The following DNAH11 variants were observed in gnomAD, a reference collection of about 807,000 sequenced individuals.
The protein encoded by DNAH11 is dynein axonemal heavy chain 11.
Under a neutral mutation model 526.0 loss-of-function variants are expected in DNAH11, and 442 were observed. The observed-to-expected ratio is 0.84, with a 90% CI of 0.78 to 0.91. The LOEUF (loss-of-function observed/expected upper bound fraction) is 0.91, where lower values mean the gene tolerates loss of function less well. DNAH11 is among the 40% of genes least tolerant of loss of function. The pLI is 0.00. For synonymous variants in DNAH11, 2,461 were observed against 1,935.9 expected, an observed-to-expected ratio of 1.27 and a Z score of -7.12; for missense variants, 6,989 against 5,448.7, an observed-to-expected ratio of 1.28 and a Z score of -8.90.
rs140279787 is a variant in DNAH11 at position 21,758,804 on chromosome 7, C to T, written c.8941-6624C>T. On this transcript the variant is annotated intron_variant, in intron 54 of 81. Transcript: ENST00000409508. ...AGCCTTTGCATTTTGGAAAGCATGT[C>T]GTGCTTTTCTCATTTTGCTAGCATT... 8.5e-5 allele frequency among the ~76,000 whole-genome samples: 13 copies of T among 152,274 alleles called. No individual in the cohort carries two copies. The South Asian group carries it at 2.1e-3, about 24-fold the overall frequency.
Position 21,658,880 on chromosome 7 carries a change from A to G in DNAH11, c.5177A>G (p.Glu1726Gly), listed in dbSNP as rs1283312636. The G allele has an allele frequency of 3.1e-6, 5 of 1,609,156 alleles. No individual in the cohort carries two copies. The highest frequency in any genetic ancestry group is 2.2e-5 in the East Asian group (1 of 44,634). The change falls in exon 30 of 82, where the codon GAG becomes GGG. Residue 1726 changes from glutamate (E) to glycine (G), a missense_variant. Transcript: ENST00000409508. ...HSITEAIVAY[E>G]EKPRELWIFD... ...ATAACAGAAGCCATAGTGGCCTACGAGGAAAAACCTAGGGAACTGTGGATT... is the reference window on the plus strand; with the variant it reads ...ATAACAGAAGCCATAGTGGCCTACGGGGAAAAACCTAGGGAACTGTGGATT...
chr7:21,575,722 A>C (rs1784065685), intron 8 of DNAH11, among the ~76,000 whole-genome samples: 1 of 152,118 alleles, frequency 6.6e-6, no homozygotes, highest in African/African-American at 2.4e-5. Context: ...TCTCTATTAA[A>C]AATTTCTTAT....
Position 21,637,340 on chromosome 7 carries a change from A to T in DNAH11, c.4726-271A>T, listed in dbSNP as rs17144816. On this transcript the variant is annotated intron_variant, in intron 26 of 81. Transcript: ENST00000409508. ...TTTTGCCTTTATTCTTTTTCGTTTG[A>T]TTTAGAAGAGAAAAATTCTGTGTGG... Among the ~76,000 whole-genome samples the T allele has an allele frequency of 0.031, 4,549 of 148,864 alleles. 178 individuals are homozygous for T. The highest frequency in any genetic ancestry group is 0.084 in the African/African-American group (3,370 of 40,296).
intron 56 of DNAH11, among the ~76,000 whole-genome samples, chr7:21,774,427 G>C (rs114590638): frequency 6.6e-6 from 1 of 152,238 alleles, no homozygotes; most frequent in African/African-American, 2.4e-5. Flanking sequence ...AGGTAGAGCT[G>C]TTCCTCCCTT....
At chr7:21,685,034 T>G (rs1294045890) in intron 32 of DNAH11, among the ~76,000 whole-genome samples, 1 of 152,244 alleles carries the variant, frequency 6.6e-6, no homozygotes, top group African/African-American at 2.4e-5. Context: ...ATTCTCCCAC[T>G]ACATTTGTGA....
intron 44 of DNAH11, among the ~76,000 whole-genome samples, chr7:21,724,916 C>A (rs569653834): frequency 1.3e-5 from 2 of 152,112 alleles, no homozygotes; most frequent in African/African-American, 4.8e-5. Flanking sequence ...ATAGGAGTCA[C>A]TGGGCCAGAT....
intron 49 of DNAH11, 36 bp downstream of exon 49, chr7:21,742,202 G>C: frequency 3.7e-6 from 6 of 1,602,128 alleles, no homozygotes; most frequent in Non-Finnish European, 5.1e-6. Context: ...CTCTTGAGTA[G>C]AGAAATAATG....
chr7:21,790,132 T>C (rs1301072781), intron 61 of DNAH11, among the ~76,000 whole-genome samples: 1 of 151,964 alleles, frequency 6.6e-6, no homozygotes, highest in Non-Finnish European at 1.5e-5. Flanking sequence ...ACCATGGTAC[T>C]TGGCACATAG....
rs557604243 is a variant in DNAH11 at position 21,804,871 on chromosome 7, C to G, written c.10166-3012C>G. 1.5e-3 allele frequency among the ~76,000 whole-genome samples: 227 copies of G among 152,160 alleles called. 2 individuals carry two copies. The highest frequency in any genetic ancestry group is 6.5e-4 in the Admixed American group (10 of 15,276). On this transcript the variant is annotated intron_variant, in intron 62 of 81. Transcript: ENST00000409508. Reference sequence around the variant, plus strand: ...ACTCCCCAATAGCTAATTAATCACTCAAAGTCCAGCCTAAAGGCTTTACTG... The same window carrying G: ...ACTCCCCAATAGCTAATTAATCACTGAAAGTCCAGCCTAAAGGCTTTACTG...
chr7:21,632,453 C>G (rs921552598), intron 25 of DNAH11, among the ~76,000 whole-genome samples: 1 of 152,130 alleles, frequency 6.6e-6, no homozygotes, highest in African/African-American at 2.4e-5. Flanking sequence ...GTCTGCTTCC[C>G]TTATAAAACT....
chr7:21,815,920 C>T (rs1421389666), intron 63 of DNAH11, among the ~76,000 whole-genome samples: 2 of 152,072 alleles, frequency 1.3e-5, no homozygotes, highest in Non-Finnish European at 2.9e-5. Context: ...TAGATAATTT[C>T]CTCTCAGCCT....
chr7:21,810,977 C>G (rs964354059), intron 63 of DNAH11, among the ~76,000 whole-genome samples: 1 of 152,206 alleles, frequency 6.6e-6, no homozygotes, highest in African/African-American at 2.4e-5. Context: ...CACATGTTTG[C>G]TTGCCATTGT....
chr7:21,543,820 C>G (rs1782696044), intron 1 of DNAH11: 2 of 569,050 alleles, frequency 3.5e-6, no homozygotes, highest in African/African-American at 1.9e-5. Flanking sequence ...TGTATCTGAC[C>G]GAGAATCCCG....
chr7:21,550,376 G>C (rs1214682147), intron 2 of DNAH11, among the ~76,000 whole-genome samples: 1 of 152,250 alleles, frequency 6.6e-6, no homozygotes, highest in African/African-American at 2.4e-5. Flanking sequence ...AGGGATGACA[G>C]GGTGGAGTAT....
intron 58 of DNAH11, among the ~76,000 whole-genome samples, chr7:21,785,998 C>G (rs1430040425): frequency 6.6e-6 from 1 of 152,118 alleles, no homozygotes; most frequent in African/African-American, 2.4e-5. Flanking sequence ...TGTGCTATTA[C>G]CTGCCTCAAA....
intron 54 of DNAH11, among the ~76,000 whole-genome samples, chr7:21,750,956 TGAG>T (rs1219479526): frequency 6.6e-6 from 1 of 152,026 alleles, no homozygotes; most frequent in Non-Finnish European, 1.5e-5. Flanking sequence ...AATCATGAAG[TGAG>T]TAGTGAGGAG....
intron 20 of DNAH11, among the ~76,000 whole-genome samples, chr7:21,610,437 G>GAAA (rs1215057151): frequency 6.6e-6 from 1 of 151,900 alleles, no homozygotes; most frequent in Non-Finnish European, 1.5e-5. Flanking sequence ...ATCATCTCTG[G>GAAA]AAAAAAGCAC....
intron 18 of DNAH11, among the ~76,000 whole-genome samples, chr7:21,604,573 A>G (rs1468862677): frequency 1.3e-5 from 2 of 151,912 alleles, no homozygotes; most frequent in Non-Finnish European, 2.9e-5. Flanking sequence ...GCCTGTTGAA[A>G]CCTAGTCATT....
chr7:21,820,809 G>A lies in DNAH11; in HGVS notation c.10691+2470G>A, dbSNP rs560107371. On this transcript the variant is annotated intron_variant, in intron 65 of 81. Coordinates refer to ENST00000409508, the MANE Select transcript of DNAH11 (RefSeq NM_001277115.2). ...TTAACTAAGGGACCATGCTTTCCTG[G>A]AGTCTCCATATTTTCACTTGAGAAT... 2.0e-5 allele frequency among the ~76,000 whole-genome samples: 3 copies of A among 152,280 alleles called. No homozygotes were observed. In the South Asian group the frequency reaches 6.2e-4, roughly 32 times the overall value.
Sources: gnomAD v4.1 joint callset for allele counts (sites outside exome capture counted in the v4.1 genomes callset) on GRCh38, gnomAD v4.1.1 for gene constraint, MANE v1.5 for transcripts, NCBI Gene and HGNC (gene_info 2026-07-23, HGNC 2026-07-21) for gene names.